Variants in TBC1D4 observed in about 807,000 individuals in gnomAD.
The protein encoded by TBC1D4 is TBC1 domain family member 4, also known as TBC (Tre-2, BUB2, CDC16) domain-containing protein.
A neutral mutation model predicts 142.5 loss-of-function variants in TBC1D4; 121 were observed. The observed-to-expected ratio is 0.85, with a 90% confidence interval of 0.73 to 0.99. The LOEUF is 0.99. Among genes scored for constraint, TBC1D4 ranks in the 50% least tolerant of loss-of-function variants. The probability of loss-of-function intolerance (pLI) is 0.00; values close to 1 mark genes in which losing one functional copy is unlikely to be tolerated. For synonymous variants in TBC1D4, 630 were observed against 628.2 expected, an observed-to-expected ratio of 1.00 and a Z score of -0.04; for missense variants, 1,475 against 1,606.6, an observed-to-expected ratio of 0.92 and a Z score of 1.40.
At chr13:75,364,948 AC>A (rs1413887663) in intron 1 of TBC1D4, among the ~76,000 whole-genome samples, 2 of 152,222 alleles carry the variant, frequency 1.3e-5, no homozygotes, top group African/African-American at 4.8e-5. Flanking sequence ...GTTCCATTCT[AC>A]AATTGAGATT....
chr13:75,294,746 A>C, intron 18 of TBC1D4, 108 bp downstream of exon 18: 1 of 1,213,480 alleles, frequency 8.2e-7, no homozygotes, highest in South Asian at 1.4e-5. Context: ...GCAATTTGCT[A>C]TTCTGTATAA....
intron 1 of TBC1D4, among the ~76,000 whole-genome samples, chr13:75,366,516 T>C (rs1172250149): frequency 1.3e-5 from 2 of 152,166 alleles, no homozygotes; most frequent in Non-Finnish European, 2.9e-5. Flanking sequence ...CCATTTCCAT[T>C]AACACACAGG....
intron 1 of TBC1D4, among the ~76,000 whole-genome samples, chr13:75,430,260 A>C (rs946900842): frequency 1.3e-5 from 2 of 152,220 alleles, no homozygotes; most frequent in Non-Finnish European, 2.9e-5. Context: ...CTTTAGTTGG[A>C]AGACATTCCT....
At chr13:75,373,368 C>T (rs1332919802) in intron 1 of TBC1D4, among the ~76,000 whole-genome samples, 1 of 152,120 alleles carries the variant, frequency 6.6e-6, no homozygotes, top group Non-Finnish European at 1.5e-5. Context: ...GCTAAAGGGG[C>T]GTATACCTCC....
At chr13:75,347,979 T>A (rs1159281851) in intron 5 of TBC1D4, among the ~76,000 whole-genome samples, 1 of 152,048 alleles carries the variant, frequency 6.6e-6, no homozygotes, top group East Asian at 1.9e-4. Context: ...CTACAAAAAA[T>A]TTTTTAAAAA....
At chr13:75,348,731 A>C (rs1881347097) in intron 5 of TBC1D4, among the ~76,000 whole-genome samples, 1 of 152,192 alleles carries the variant, frequency 6.6e-6, no homozygotes, top group African/African-American at 2.4e-5. Context: ...ACATTTTTAG[A>C]AAAGGAACTC....
intron 1 of TBC1D4, among the ~76,000 whole-genome samples, chr13:75,438,443 A>G (rs1886892257): frequency 6.6e-6 from 1 of 152,156 alleles, no homozygotes; most frequent in Middle Eastern, 3.2e-3. Context: ...GATAGAAAAA[A>G]CAGAAGAGCT....
At position 75,285,325 on chromosome 13, in the gene TBC1D4, A is replaced by T. The variant is rs535650329; in HGVS notation, c.*1467T>A. On this transcript the variant is annotated 3_prime_UTR_variant, in exon 21 of 21. Coordinates refer to ENST00000377636, the MANE Select transcript of TBC1D4 (RefSeq NM_014832.5). ...TCTATAATACATTTTCACTGTGTATAACAAACTCCCTTTGAAGAAAATTAC... is the reference window on the plus strand; with the variant it reads ...TCTATAATACATTTTCACTGTGTATTACAAACTCCCTTTGAAGAAAATTAC... 7.2e-5 allele frequency: 11 copies of T among 152,314 alleles called. No homozygotes were observed. The South Asian group carries it at 2.3e-3, about 32-fold the overall frequency. The allele number at this position is 152,314 out of a possible 1,614,324, so 9.4% of individuals were successfully genotyped here.
At chr13:75,407,198 C>A (rs1180083308) in intron 1 of TBC1D4, among the ~76,000 whole-genome samples, 1 of 152,206 alleles carries the variant, frequency 6.6e-6, no homozygotes, top group Non-Finnish European at 1.5e-5. Flanking sequence ...CTACGTTCAA[C>A]AAACTCAACA....
chr13:75,436,701 A>G (rs1165301901), intron 1 of TBC1D4, among the ~76,000 whole-genome samples: 1 of 152,126 alleles, frequency 6.6e-6, no homozygotes, highest in Non-Finnish European at 1.5e-5. Context: ...CATAGTAATA[A>G]TGGATTTGGG....
intron 1 of TBC1D4, among the ~76,000 whole-genome samples, chr13:75,372,388 G>T (rs1883267788): frequency 6.6e-6 from 1 of 151,928 alleles, no homozygotes; most frequent in African/African-American, 2.4e-5. Context: ...TCCTGCCTCA[G>T]CCTCCTGAGT....
intron 1 of TBC1D4, among the ~76,000 whole-genome samples, chr13:75,425,492 G>A (rs943289060): frequency 6.6e-6 from 1 of 152,158 alleles, no homozygotes; most frequent in African/African-American, 2.4e-5. Flanking sequence ...TATGACATCA[G>A]TATGTTGAAA....
intron 11 of TBC1D4, among the ~76,000 whole-genome samples, chr13:75,322,881 G>A (rs915013473): frequency 1.1e-4 from 16 of 151,942 alleles, no homozygotes; most frequent in African/African-American, 2.2e-4. Flanking sequence ...CCATAAGGTC[G>A]TCCCTGAAAG....
At chr13:75,477,709 T>C (rs1888677119) in intron 1 of TBC1D4, among the ~76,000 whole-genome samples, 1 of 152,208 alleles carries the variant, frequency 6.6e-6, no homozygotes, top group Non-Finnish European at 1.5e-5. Flanking sequence ...TGGATAAATA[T>C]TTACAGAGTA....
intron 1 of TBC1D4, among the ~76,000 whole-genome samples, chr13:75,384,416 G>A (rs1884052128): frequency 6.6e-6 from 1 of 152,116 alleles, no homozygotes; most frequent in African/African-American, 2.4e-5. Flanking sequence ...GGGCGACAGA[G>A]CGAGACTCCA....
chr13:75,414,162 A>G (rs2138091772), intron 1 of TBC1D4, among the ~76,000 whole-genome samples: 1 of 152,368 alleles, frequency 6.6e-6, no homozygotes, highest in African/African-American at 2.4e-5. Flanking sequence ...GTGACATGTC[A>G]GAGGGAGGGT....
chr13:75,447,500 ATGTGTGTGTGTGTG>A (rs35775136), intron 1 of TBC1D4, among the ~76,000 whole-genome samples: 38 of 145,342 alleles, frequency 2.6e-4, no homozygotes, highest in African/African-American at 8.9e-4. Flanking sequence ...CATAGTGTGA[ATGTGTGTGTGTGTG>A]TGTGTGTGTG....
chr13:75,467,151 T>A (rs1262658824), intron 1 of TBC1D4, among the ~76,000 whole-genome samples: 1 of 152,196 alleles, frequency 6.6e-6, no homozygotes, highest in African/African-American at 2.4e-5. Flanking sequence ...TCATACTCAA[T>A]ATGTACATTA....
chr13:75,424,307 A>T (rs1456275194), intron 1 of TBC1D4, among the ~76,000 whole-genome samples: 2 of 1,538 alleles, frequency 1.3e-3, no homozygotes, highest in East Asian at 0.067. Flanking sequence ...AAAAGAAAAA[A>T]AGAAAAAATT....
Sources: gnomAD v4.1 joint callset for allele counts (sites outside exome capture counted in the v4.1 genomes callset) on GRCh38, gnomAD v4.1.1 for gene constraint, MANE v1.5 for transcripts, NCBI Gene and HGNC (gene_info 2026-07-23, HGNC 2026-07-21) for gene names.